TULP4: variants seen among roughly 807,000 people sequenced by gnomAD.
TULP4 encodes the protein TUB like protein 4.
A neutral mutation model predicts 129.0 loss-of-function variants in TULP4; 16 were observed. The observed-to-expected ratio is 0.12, with a 90% CI of 0.08 to 0.19. TULP4 has a LOEUF of 0.19. TULP4 is among the 10% of genes least tolerant of loss of function. TULP4 has a pLI of 1.00. For missense variants in TULP4, 1,842 were observed against 2,059.1 expected (o/e 0.89, Z 2.04); for synonymous variants, 998 against 854.0 (o/e 1.17, Z -2.94).
chr6:158,438,071 T>C (rs1395791536), intron 3 of TULP4: 1 of 152,134 alleles, frequency 6.6e-6, no homozygotes, highest in African/African-American at 2.4e-5. Context: ...CTGGGCAACA[T>C]AGTGAAACCC....
intron 1 of TULP4, among the ~76,000 whole-genome samples, chr6:158,276,231 A>G (rs1226841677): frequency 6.6e-6 from 1 of 151,946 alleles, no homozygotes; most frequent in Non-Finnish European, 1.5e-5. Flanking sequence ...TGGCCTCCCA[A>G]AGTGCTGGGA....
intron 1 of TULP4, among the ~76,000 whole-genome samples, chr6:158,232,917 T>C (rs893344129): frequency 2.6e-5 from 4 of 152,240 alleles, no homozygotes; most frequent in Admixed American, 2.6e-4. Flanking sequence ...GCGCTTCTGC[T>C]GTCTGGAGTC....
Position 158,283,054 on chromosome 6 carries a change from G to A in TULP4, n.116+676G>A, listed in dbSNP as rs543311627. Among the ~76,000 whole-genome samples the A allele has an allele frequency of 1.1e-4, 16 of 151,478 alleles. No individual in the cohort carries two copies. In the South Asian group the frequency reaches 2.9e-3, roughly 28 times the overall value. Reference sequence around the variant, plus strand: ...CTCAGGAGGCTGAGGCAGGAGAATCGCTTGAATCCAGGAGGCAGAGGTTGC... The same window carrying A: ...CTCAGGAGGCTGAGGCAGGAGAATCACTTGAATCCAGGAGGCAGAGGTTGC... On this transcript the variant is annotated intron_variant and non_coding_transcript_variant, in intron 1 of 1. Coordinates refer to the TULP4 transcript ENST00000432358.
At chr6:158,288,312 C>T (rs983910649) in intron 1 of TULP4, among the ~76,000 whole-genome samples, 2 of 152,032 alleles carry the variant, frequency 1.3e-5, no homozygotes, top group African/African-American at 4.8e-5. Context: ...TGTGGTAGCT[C>T]GGACCTCCAG....
At chr6:158,405,780 C>G (rs1462539997) in intron 1 of TULP4, among the ~76,000 whole-genome samples, 4 of 152,142 alleles carry the variant, frequency 2.6e-5, no homozygotes, top group African/African-American at 9.7e-5. Context: ...GACCCTGGAT[C>G]CCGGACATGT....
intron 1 of TULP4, among the ~76,000 whole-genome samples, chr6:158,365,624 C>T (rs1047349088): frequency 2.6e-5 from 4 of 151,150 alleles, no homozygotes; most frequent in African/African-American, 9.7e-5. Context: ...CTACAGGTGC[C>T]CGCCACCATG....
intron 5 of TULP4, among the ~76,000 whole-genome samples, chr6:158,460,731 C>T (rs1779403607): frequency 1.3e-5 from 2 of 152,150 alleles, no homozygotes; most frequent in Non-Finnish European, 1.5e-5. Flanking sequence ...TTTGTATGAA[C>T]CTTATCTGCC....
chr6:158,427,563 G>C (rs574858332), intron 2 of TULP4, among the ~76,000 whole-genome samples: 1 of 128,088 alleles, frequency 7.8e-6, no homozygotes, highest in East Asian at 2.3e-4. Context: ...GCATGATCTC[G>C]TCTCACTGCA....
chr6:158,305,579 C>T (rs1779205465), intron 1 of TULP4, among the ~76,000 whole-genome samples: 1 of 151,760 alleles, frequency 6.6e-6, no homozygotes, highest in Middle Eastern at 3.4e-3. Flanking sequence ...GTGGTACGCA[C>T]CTGTAGTCTC....
In TULP4 at chr6:158,479,388, A is replaced by G. The variant is rs145825207; in HGVS notation, c.1027-363A>G. 3.7e-3 allele frequency among the ~76,000 whole-genome samples: 560 copies of G among 152,242 alleles called. 2 individuals carry two copies. Among genetic ancestry groups the G allele is most frequent in the African/African-American group, 0.012 (487 of 41,542 alleles). ...AAACAAACTTTATAAAATTATTCCA[A>G]TGCTTTAATGCTCTGGCCTGGGGAC... On this transcript the variant is annotated intron_variant, in intron 6 of 13. Coordinates refer to ENST00000367097, the MANE Select transcript of TULP4 (RefSeq NM_020245.5).
At chr6:158,267,452 T>C (rs973477120) in intron 1 of TULP4, among the ~76,000 whole-genome samples, 28 of 152,224 alleles carry the variant, frequency 1.8e-4, no homozygotes, top group Non-Finnish European at 3.7e-4. Context: ...CAAAGGAGGT[T>C]GTCCTTGCCT....
intron 1 of TULP4, among the ~76,000 whole-genome samples, chr6:158,254,030 C>T (rs909054372): frequency 1.3e-5 from 2 of 151,364 alleles, no homozygotes; most frequent in African/African-American, 4.9e-5. Flanking sequence ...TAGAGCAAGA[C>T]TCTGTCTCAA....
chr6:158,436,423 G>A (rs1020652009), intron 3 of TULP4, among the ~76,000 whole-genome samples: 1 of 152,198 alleles, frequency 6.6e-6, no homozygotes, highest in East Asian at 1.9e-4. Context: ...ACAGGTACAG[G>A]TATACTTCAC....
intron 2 of TULP4, among the ~76,000 whole-genome samples, chr6:158,415,071 C>T (rs985070061): frequency 6.6e-6 from 1 of 152,192 alleles, no homozygotes; most frequent in Non-Finnish European, 1.5e-5. Flanking sequence ...AGTGTAGTTA[C>T]ATGCTGCATA....
Position 158,503,764 on chromosome 6 carries a change from C to G in TULP4, c.4101C>G (p.Asp1367Glu). Residue 1367 changes from aspartate (D) to glutamate (E), a missense_variant, in exon 13 of 14, where the codon GAC becomes GAG. Asp to Glu is a conservative substitution (Grantham distance 45, BLOSUM62 2). Coordinates refer to ENST00000367097, the MANE Select transcript of TULP4 (RefSeq NM_020245.5). The surrounding 1 kb of genome is among the most constrained non-coding windows in gnomAD (Gnocchi z 4.3). The stretch of plus-strand genomic sequence containing the variant: ...AGAAGGAGGCTAGGACTTTGAGTGA[C>G]TTTAATTCCCTAATCTCCAGCCCAC... ...KVKKEARTLS[D>E]FNSLISSPHL... 2 of 1,614,120 alleles carry G rather than the reference C, an allele frequency of 1.2e-6. No homozygotes were observed. The highest frequency in any genetic ancestry group is 1.1e-5 in the South Asian group (1 of 91,086).
rs1056112652 is a variant in TULP4 at position 158,511,325 on chromosome 6, T to C, written c.*4631T>C. On this transcript the variant is annotated 3_prime_UTR_variant, in exon 14 of 14. Transcript: ENST00000367097. ...GTTTTTGCATTTGTTTATAAATGCA[T>C]TATTTTGGTACTGTAAATTTGGACA... 3.9e-5 allele frequency: 6 copies of C among 152,750 alleles called. No homozygotes were observed. The South Asian group carries it at 1.2e-3, about 32-fold the overall frequency. 9.5% of individuals were successfully genotyped at this position (152,750 alleles called of 1,614,324 possible). A position where few individuals can be genotyped will look rare whatever the true frequency, so the allele number is the denominator to read the frequency against.
intron 6 of TULP4, among the ~76,000 whole-genome samples, chr6:158,475,791 A>G (rs1309206380): frequency 6.6e-6 from 1 of 152,260 alleles, no homozygotes; most frequent in African/African-American, 2.4e-5. Context: ...GTCTGTGGCC[A>G]CATGCAGTTA....
chr6:158,272,617 C>A (rs182686509), intron 1 of TULP4, among the ~76,000 whole-genome samples: 183 of 152,318 alleles, frequency 1.2e-3, no homozygotes, highest in Admixed American at 3.0e-3. Context: ...TTTTGTCATA[C>A]CTCCATTTTA....
chr6:158,377,446 A>G (rs1351335063), intron 1 of TULP4, among the ~76,000 whole-genome samples: 1 of 152,270 alleles, frequency 6.6e-6, no homozygotes, highest in East Asian at 1.9e-4. Flanking sequence ...AAAGTTGAGT[A>G]GCTTGCCTAA....
Sources: gnomAD v4.1 joint callset for allele counts (sites outside exome capture counted in the v4.1 genomes callset) on GRCh38, gnomAD v4.1.1 for gene constraint, Gnocchi (gnomAD v3.1) non-coding constraint, MANE v1.5 for transcripts, NCBI Gene and HGNC (gene_info 2026-07-23, HGNC 2026-07-21) for gene names.